Variants in MSANTD4 observed in about 807,000 individuals in gnomAD.
The protein encoded by MSANTD4 is Myb/SANT DNA binding domain containing 4 with coiled-coils.
A neutral mutation model predicts 34.3 loss-of-function variants in MSANTD4; 13 were observed. The ratio of observed to expected loss-of-function variants is 0.38; its 90% CI spans 0.25 to 0.60. The LOEUF (loss-of-function observed/expected upper bound fraction) is 0.60, where lower values mean the gene tolerates loss of function less well. Ranked by LOEUF, MSANTD4 falls within the 20% of genes least tolerant of loss-of-function variation. MSANTD4 has a pLI of 0.63. For missense variants in MSANTD4, 358 were observed against 401.8 expected (o/e 0.89, Z 0.93); for synonymous variants, 137 against 145.2 (o/e 0.94, Z 0.41).
At chr11:106,018,660 G>C (rs940191056) in intron 1 of MSANTD4, among the ~76,000 whole-genome samples, 1 of 152,150 alleles carries the variant, frequency 6.6e-6, no homozygotes, top group Non-Finnish European at 1.5e-5. Context: ...TGCCACAAAA[G>C]ACTTAAAATA....
chr11:106,019,226 A>T (rs901681169), intron 1 of MSANTD4, among the ~76,000 whole-genome samples: 4 of 152,148 alleles, frequency 2.6e-5, no homozygotes. Context: ...ACACAATACC[A>T]GTCATTTTCA....
rs1303082421 is a variant in MSANTD4, at chr11:106,009,607, C to T, written c.966G>A (p.Leu322=). The T allele has an allele frequency of 6.2e-7, 1 of 1,614,050 alleles. No homozygotes were observed. The highest frequency in any genetic ancestry group is 2.2e-5 in the East Asian group (1 of 44,888). The change falls in exon 3 of 3, where the codon CTG becomes CTA. Residue 322 remains leucine, a synonymous_variant. Transcript: ENST00000301919. The part of the protein sequence containing the change: ...LQFLKFESEK[L]QIEKERLQVE... Reference sequence around the variant, plus strand: ...CCTGTAAGCGTTCCTTTTCAATCTGCAGCTTCTCAGATTCAAACTTCAAAA... The same window carrying T: ...CCTGTAAGCGTTCCTTTTCAATCTGTAGCTTCTCAGATTCAAACTTCAAAA...
At chr11:106,019,894 G>T (rs970206905) in intron 1 of MSANTD4, among the ~76,000 whole-genome samples, 4 of 152,166 alleles carry the variant, frequency 2.6e-5, no homozygotes, top group South Asian at 2.1e-4. Flanking sequence ...GATCTCCAGC[G>T]AATTACTTAA....
Position 106,009,731 on chromosome 11 carries a change from C to T in MSANTD4, c.842G>A (p.Gly281Asp), listed in dbSNP as rs1246724400. ...SEKPSLENEL[G>D]QGEKSMLQPQ... ...TTGAAGCATGGATTTTTCTCCTTGACCAAGTTCATTTTCCAAGGACGGTTT... is the reference window on the plus strand; with the variant it reads ...TTGAAGCATGGATTTTTCTCCTTGATCAAGTTCATTTTCCAAGGACGGTTT... The change falls in exon 3 of 3, where the codon GGT becomes GAT. Residue 281 changes from glycine to aspartate, a missense_variant. Physicochemically the swap from Gly to Asp is moderately conservative, Grantham distance 94. Around this residue, in one of 2 missense-constraint regions of MSANTD4, gnomAD observed 312 missense variants for 317.6 expected, o/e 0.98. Transcript: ENST00000301919. 1.2e-6 allele frequency: 2 copies of T among 1,614,172 alleles called. No homozygotes were observed. Among genetic ancestry groups the T allele is most frequent in the Non-Finnish European group, 1.7e-6 (2 of 1,180,030 alleles).
At position 106,009,380 on chromosome 11, in the gene MSANTD4, C is replaced by T. The variant is rs1591516898; in HGVS notation, c.*155G>A. The T allele has an allele frequency of 1.5e-6, 1 of 671,344 alleles. No individual in the cohort carries two copies. Among genetic ancestry groups the T allele is most frequent in the East Asian group, 2.7e-5 (1 of 36,744 alleles). 41.6% of individuals were successfully genotyped at this position (671,344 alleles called of 1,614,324 possible). On this transcript the variant is annotated 3_prime_UTR_variant, in exon 3 of 3. Coordinates refer to ENST00000301919, the MANE Select transcript of MSANTD4 (RefSeq NM_032424.3). ...TACGCTAGGGCACAGCTTTTATATA[C>T]TACTTAGGCATACAGTTATCCACAT...
At chr11:106,018,429 T>C (rs888620527) in intron 1 of MSANTD4, among the ~76,000 whole-genome samples, 2 of 152,168 alleles carry the variant, frequency 1.3e-5, no homozygotes, top group African/African-American at 2.4e-5. Context: ...CCAGTTCCCA[T>C]CTCTGACCAA....
intron 1 of MSANTD4, among the ~76,000 whole-genome samples, chr11:106,017,791 T>C (rs1859896861): frequency 6.6e-6 from 1 of 152,168 alleles, no homozygotes. Flanking sequence ...ATATGAATGA[T>C]TCTAAATGAC....
chr11:106,014,218 C>A (rs543081928), intron 1 of MSANTD4, among the ~76,000 whole-genome samples: 2 of 152,264 alleles, frequency 1.3e-5, no homozygotes, highest in East Asian at 1.9e-4. Context: ...ACTTATGTAA[C>A]CTTCCAGCAG....
At chr11:106,014,132 T>G (rs1859777021) in intron 1 of MSANTD4, among the ~76,000 whole-genome samples, 2 of 152,224 alleles carry the variant, frequency 1.3e-5, no homozygotes, top group Non-Finnish European at 2.9e-5. Context: ...GCTATTTTTT[T>G]GGTAAATATC....
intron 1 of MSANTD4, among the ~76,000 whole-genome samples, chr11:106,015,349 AG>A (rs1173782429): frequency 6.6e-6 from 1 of 152,220 alleles, no homozygotes; most frequent in Non-Finnish European, 1.5e-5. Flanking sequence ...AAATCCTATA[AG>A]GATTAAAGGA....
At chr11:106,010,426 T>C in intron 2 of MSANTD4, 30 bp downstream of exon 2, 1 of 1,561,958 alleles carries the variant, frequency 6.4e-7, no homozygotes, top group Non-Finnish European at 8.6e-7. Context: ...ATTGAAAAGA[T>C]TAAAAGAGGG....
intron 1 of MSANTD4, among the ~76,000 whole-genome samples, chr11:106,011,390 T>C (rs1029262756): frequency 6.6e-6 from 1 of 152,162 alleles, no homozygotes; most frequent in Admixed American, 6.5e-5. Flanking sequence ...TGTCAAACTC[T>C]TTCTTAGTTC....
At chr11:106,010,161 A>C (rs776909380) in intron 2 of MSANTD4, 51 bp from the exon 3 acceptor site, 2 of 1,443,282 alleles carry the variant, frequency 1.4e-6, no homozygotes, top group Non-Finnish European at 1.8e-6. Context: ...ACTTTGTGGC[A>C]ATTTGTCTAA....
Position 106,010,824 on chromosome 11 carries a change from A to G in MSANTD4, c.94T>C (p.Phe32Leu), listed in dbSNP as rs147196351. 1.1e-5 allele frequency: 18 copies of G among 1,614,192 alleles called. No homozygotes were observed. The highest frequency in any genetic ancestry group is 1.5e-5 in the Non-Finnish European group (18 of 1,180,024). ...ATTGTTGTATTGAGCTGCTTGGAAA[A>G]AATGACTTCTTTCCTTTTCGTAATT... Reference protein sequence around the residue: ...KEITKRKEVIFSKQLNTTINV... With the variant: ...KEITKRKEVILSKQLNTTINV... Residue 32 changes from phenylalanine (F) to leucine (L), a missense_variant, in exon 2 of 3, where the codon TTT (phenylalanine) becomes CTT (leucine). This residue lies in a region of MSANTD4 where 46 missense variants were observed against 84.3 expected (regional missense o/e 0.55). Coordinates refer to ENST00000301919, the MANE Select transcript of MSANTD4 (RefSeq NM_032424.3).
At chr11:106,019,080 C>T (rs972932723) in intron 1 of MSANTD4, among the ~76,000 whole-genome samples, 7 of 152,082 alleles carry the variant, frequency 4.6e-5, no homozygotes, top group African/African-American at 1.4e-4. Flanking sequence ...TATTGTAAAC[C>T]CTATCTGAAC....
In MSANTD4 at chr11:106,007,930, T is replaced by A. The variant is rs1859576545; in HGVS notation, c.*1605A>T. ...GATAGTATAGGCAAATTTATTTCTA[T>A]GGTAGAAGCATTTATTTCAGATATA... On this transcript the variant is annotated 3_prime_UTR_variant, in exon 3 of 3. Transcript: ENST00000301919. The A allele has an allele frequency of 6.6e-6, 1 of 152,650 alleles. No individual in the cohort carries two copies. The highest frequency in any genetic ancestry group is 2.4e-5 in the African/African-American group (1 of 41,458). 9.5% of individuals were successfully genotyped at this position (152,650 alleles called of 1,614,324 possible).
At chr11:106,014,200 T>C (rs1330402451) in intron 1 of MSANTD4, among the ~76,000 whole-genome samples, 1 of 152,244 alleles carries the variant, frequency 6.6e-6, no homozygotes, top group African/African-American at 2.4e-5. Flanking sequence ...AGCTAACTTA[T>C]GCAACTAACT....
Position 106,011,059 on chromosome 11 carries a change from G to T in MSANTD4, c.-142C>A. The T allele has an allele frequency of 7.3e-7, 1 of 1,378,126 alleles. No individual in the cohort carries two copies. The highest frequency in any genetic ancestry group is 9.4e-7 in the Non-Finnish European group (1 of 1,059,594). The allele number at this position is 1,378,126 out of a possible 1,614,324, so 85.4% of individuals were successfully genotyped here. A position where few individuals can be genotyped will look rare whatever the true frequency, so the allele number is the denominator to read the frequency against. ...CATTCATCTAGTGGCAAGGCAGTCT[G>T]GATAATTCCTAAAAGGAAAAAAGTA... On this transcript the variant is annotated 5_prime_UTR_variant, in exon 2 of 3. Transcript: ENST00000301919.
chr11:106,016,704 G>T (rs529390490), intron 1 of MSANTD4, among the ~76,000 whole-genome samples: 1 of 152,310 alleles, frequency 6.6e-6, no homozygotes, highest in South Asian at 2.1e-4. Context: ...TAGGCAAGAA[G>T]CAGTTAGCCT....
Sources: gnomAD v4.1 joint callset for allele counts (sites outside exome capture counted in the v4.1 genomes callset) on GRCh38, gnomAD v4.1.1 for gene constraint, gnomAD v4.1.1 regional missense constraint, MANE v1.5 for transcripts, NCBI Gene and HGNC (gene_info 2026-07-23, HGNC 2026-07-21) for gene names.